CCSER2: variants seen among roughly 807,000 people sequenced by gnomAD.
CCSER2 encodes the protein serine-rich coiled-coil domain-containing protein 2.
CCSER2 carries 46 observed loss-of-function variants against 92.3 expected under a neutral mutation model. The ratio of observed to expected loss-of-function variants is 0.50; its 90% CI spans 0.39 to 0.64. The LOEUF (loss-of-function observed/expected upper bound fraction) is 0.64, where lower values mean the gene tolerates loss of function less well. Ranked by LOEUF, CCSER2 falls within the 30% of genes least tolerant of loss-of-function variation. CCSER2 has a pLI of 0.00. For synonymous variants in CCSER2, 433 were observed against 431.4 expected (o/e 1.00, Z -0.04); for missense variants, 1,244 against 1,238.9 (o/e 1.00, Z -0.06).
chr10:84,470,351 A>G, intron 7 of CCSER2, 21 bp from the exon 8 acceptor site: 2 of 1,239,564 alleles, frequency 1.6e-6, no homozygotes, highest in Non-Finnish European at 1.1e-6. Flanking sequence ...TACCTCATCT[A>G]AAGATTTTTT....
chr10:84,443,520 A>G (rs901759342), intron 6 of CCSER2, among the ~76,000 whole-genome samples: 7 of 152,266 alleles, frequency 4.6e-5, no homozygotes, highest in South Asian at 2.1e-4. Flanking sequence ...GTGGAGAAAT[A>G]GGAACACTTT....
intron 3 of CCSER2, among the ~76,000 whole-genome samples, chr10:84,406,452 T>G (rs1423358053): frequency 6.6e-6 from 1 of 152,120 alleles, no homozygotes; most frequent in East Asian, 1.9e-4. Flanking sequence ...TCAGAAACAT[T>G]TGTAGTGGAG....
intron 3 of CCSER2, among the ~76,000 whole-genome samples, chr10:84,404,930 G>C (rs1422648052): frequency 6.6e-6 from 1 of 152,120 alleles, no homozygotes; most frequent in Non-Finnish European, 1.5e-5. Flanking sequence ...AAAGTAATGT[G>C]GTGTTCATGA....
In CCSER2 at chr10:84,357,937, A is replaced by G. The variant is rs77900210; in HGVS notation, c.-39-13077A>G. On this transcript the variant is annotated intron_variant, in intron 1 of 9. Transcript: ENST00000372088. ...GTGACATAATGGTGTTATGGAAAGC[A>G]TATAGTAGTTCTGTTGAAGAAGAGA... Among the ~76,000 whole-genome samples the G allele has an allele frequency of 8.9e-3, 1,360 of 152,332 alleles. 18 individuals are homozygous for G. The highest frequency in any genetic ancestry group is 0.031 in the African/African-American group (1,290 of 41,580).
At chr10:84,451,234 T>G (rs79298770) in intron 6 of CCSER2, among the ~76,000 whole-genome samples, 1,815 of 146,124 alleles carry the variant, frequency 0.012, 34 homozygotes, top group African/African-American at 0.044. Flanking sequence ...TATAGAAAGG[T>G]TTTTTTTTTG....
intron 9 of CCSER2, among the ~76,000 whole-genome samples, chr10:84,491,378 T>C (rs982001274): frequency 6.6e-6 from 1 of 152,140 alleles, no homozygotes; most frequent in Non-Finnish European, 1.5e-5. Context: ...TGAGCTGAGG[T>C]GGGCTCCACC....
rs147041718 is a variant in CCSER2, at chr10:84,382,502, A to G, written c.1614+8687A>G. 2.4e-3 allele frequency among the ~76,000 whole-genome samples: 365 copies of G among 152,320 alleles called. 1 individual carries two copies. Among genetic ancestry groups the G allele is most frequent in the African/African-American group, 8.4e-3 (349 of 41,570 alleles). ...ATATTATAATCATTGTATGTGCACAATCTTAGGCAAAAACATTTTTTTCTC... is the reference window on the plus strand; with the variant it reads ...ATATTATAATCATTGTATGTGCACAGTCTTAGGCAAAAACATTTTTTTCTC... On this transcript the variant is annotated intron_variant, in intron 3 of 9. Coordinates refer to ENST00000372088, the MANE Select transcript of CCSER2 (RefSeq NM_001284240.2).
At chr10:84,376,588 CT>C (rs1463463995) in intron 3 of CCSER2, among the ~76,000 whole-genome samples, 1 of 152,036 alleles carries the variant, frequency 6.6e-6, no homozygotes, top group Non-Finnish European at 1.5e-5. Context: ...TACAACTTAT[CT>C]TATTGTTCAT....
chr10:84,365,942 A>G (rs1201509007), intron 1 of CCSER2, among the ~76,000 whole-genome samples: 2 of 152,200 alleles, frequency 1.3e-5, no homozygotes, highest in Non-Finnish European at 2.9e-5. Flanking sequence ...TGGGTATGGT[A>G]GTATGTTTTG....
At chr10:84,470,526 G>T (rs1846726447) in intron 8 of CCSER2, 68 bp downstream of exon 8, 1 of 1,263,190 alleles carries the variant, frequency 7.9e-7, no homozygotes. Flanking sequence ...ATAAAACTCT[G>T]AGCCAGAAGT....
chr10:84,470,157 T>TTA (rs893261216), intron 7 of CCSER2, among the ~76,000 whole-genome samples: 1 of 151,828 alleles, frequency 6.6e-6, no homozygotes, highest in African/African-American at 2.4e-5. Flanking sequence ...TAACATCTAA[T>TTA]AAGTTCTCAA....
At chr10:84,351,517 G>C (rs890166294) in intron 1 of CCSER2, among the ~76,000 whole-genome samples, 1 of 151,906 alleles carries the variant, frequency 6.6e-6, no homozygotes, top group African/African-American at 2.4e-5. Context: ...TGGGATTATG[G>C]GTGTGCCACC....
At chr10:84,502,932 A>G (rs1271616853) in intron 9 of CCSER2, among the ~76,000 whole-genome samples, 3 of 152,030 alleles carry the variant, frequency 2.0e-5, no homozygotes, top group East Asian at 3.9e-4. Context: ...GTTGAAGAAT[A>G]TAGGAAAATA....
At chr10:84,345,467 T>A (rs1053658817) in intron 1 of CCSER2, among the ~76,000 whole-genome samples, 1 of 152,210 alleles carries the variant, frequency 6.6e-6, no homozygotes, top group Admixed American at 6.5e-5. Context: ...GATACATGTC[T>A]ATTTACACAG....
chr10:84,387,856 T>A (rs1841308243), intron 3 of CCSER2, among the ~76,000 whole-genome samples: 1 of 151,778 alleles, frequency 6.6e-6, no homozygotes, highest in African/African-American at 2.4e-5. Flanking sequence ...AGACAAGGAC[T>A]GGACTTTTCT....
At chr10:84,347,264 C>T (rs1844543298) in intron 1 of CCSER2, among the ~76,000 whole-genome samples, 1 of 152,242 alleles carries the variant, frequency 6.6e-6, no homozygotes, top group African/African-American at 2.4e-5. Context: ...CCATCGTCAT[C>T]ATGGCCTGTT....
At chr10:84,344,199 T>C (rs1844357404) in intron 1 of CCSER2, among the ~76,000 whole-genome samples, 1 of 152,222 alleles carries the variant, frequency 6.6e-6, no homozygotes, top group African/African-American at 2.4e-5. Context: ...TAGTAGATCT[T>C]AGATAGGATT....
Position 84,389,225 on chromosome 10 carries a change from C to T in CCSER2, c.1614+15410C>T, listed in dbSNP as rs1055176379. 4.5e-5 allele frequency: 20 copies of T among 444,780 alleles called. No homozygotes were observed. In the East Asian group the frequency reaches 5.1e-4, roughly 11 times the overall value. The allele number at this position is 444,780 out of a possible 1,614,324, so 27.6% of individuals were successfully genotyped here. On this transcript the variant is annotated intron_variant, in intron 3 of 9. Transcript: ENST00000372088. ...GTCATCTATGATGTCATGAGGGTGGCGGCCATCAGCATTGCAGCCCACAGA... is the reference window on the plus strand; with the variant it reads ...GTCATCTATGATGTCATGAGGGTGGTGGCCATCAGCATTGCAGCCCACAGA...
chr10:84,401,525 A>G (rs890963786), intron 3 of CCSER2, among the ~76,000 whole-genome samples: 2 of 152,230 alleles, frequency 1.3e-5, no homozygotes, highest in African/African-American at 2.4e-5. Flanking sequence ...TATAACCATT[A>G]AAGAATTTAC....
Sources: allele counts gnomAD v4.1 joint callset (sites outside exome capture counted in the v4.1 genomes callset), GRCh38; gene constraint gnomAD v4.1.1; transcripts MANE v1.5; gene names NCBI Gene and HGNC (gene_info 2026-07-23, HGNC 2026-07-21).